Variants in HNF1B observed in about 807,000 individuals in gnomAD.
The protein encoded by HNF1B is HNF1 homeobox B, also known as hepatocyte nuclear factor 1-beta.
Under a neutral mutation model 61.7 loss-of-function variants are expected in HNF1B, and 8 were observed. That is an observed-to-expected ratio of 0.13 (90% CI 0.08 to 0.23). The LOEUF is 0.23. HNF1B is among the 10% of genes least tolerant of loss of function. The pLI, the probability that HNF1B is intolerant of heterozygous loss-of-function variation, is 1.00. For missense variants in HNF1B, 562 were observed against 714.5 expected (o/e 0.79, Z 2.43); for synonymous variants, 314 against 287.7 (o/e 1.09, Z -0.93).
At chr17:37,696,841 C>T (rs576139397) in intron 8 of HNF1B, among the ~76,000 whole-genome samples, 5 of 152,356 alleles carry the variant, frequency 3.3e-5, no homozygotes, top group African/African-American at 1.2e-4. Context: ...TTTGTACAAA[C>T]TGTCTTCACC....
intron 1 of HNF1B, 112 bp from the exon 2 acceptor site, chr17:37,739,751 A>C: frequency 9.7e-7 from 1 of 1,033,012 alleles, no homozygotes; most frequent in Admixed American, 2.0e-5. Context: ...TTTTCCCCCC[A>C]TCTAAGCTAC....
chr17:37,701,229 TGG>T, intron 6 of HNF1B, 52 bp from the exon 7 acceptor site: 1 of 1,513,248 alleles, frequency 6.6e-7, no homozygotes, highest in Non-Finnish European at 9.0e-7. Context: ...TAAGGAGAGG[TGG>T]ATGGATGCCA....
chr17:37,743,611 C>A (rs1346311339), intron 1 of HNF1B, among the ~76,000 whole-genome samples: 1 of 152,204 alleles, frequency 6.6e-6, no homozygotes, highest in East Asian at 1.9e-4. Context: ...TGGGCTCTGT[C>A]CTAAAGCGGA....
chr17:37,743,123 C>T (rs1442081455), intron 1 of HNF1B, among the ~76,000 whole-genome samples: 1 of 152,224 alleles, frequency 6.6e-6, no homozygotes. Flanking sequence ...CCAGGTCCTT[C>T]CAGCGCCGCG....
rs932096248 is a variant in HNF1B at position 37,696,687 on chromosome 17, G to A, written c.1653+2389C>T. Reference sequence around the variant, plus strand: ...CTTTATAGCGAAGCAAACAGACATCGCTATAAGCAATAAATCTGAACACGC... The same window carrying A: ...CTTTATAGCGAAGCAAACAGACATCACTATAAGCAATAAATCTGAACACGC... On this transcript the variant is annotated intron_variant, in intron 8 of 8. Coordinates refer to ENST00000617811, the MANE Select transcript of HNF1B (RefSeq NM_000458.4). Among the ~76,000 whole-genome samples, 16 of 152,270 alleles carry A rather than the reference G, an allele frequency of 1.1e-4. No homozygotes were observed. In the South Asian group the frequency reaches 1.7e-3, roughly 16 times the overall value.
intron 1 of HNF1B, among the ~76,000 whole-genome samples, chr17:37,741,796 A>T (rs2033999471): frequency 6.6e-6 from 1 of 152,234 alleles, no homozygotes; most frequent in Non-Finnish European, 1.5e-5. Flanking sequence ...AGTGGGAATG[A>T]TTCTGTGGAA....
chr17:37,736,880 G>A (rs1050872619), intron 2 of HNF1B, among the ~76,000 whole-genome samples: 5 of 152,154 alleles, frequency 3.3e-5, no homozygotes, highest in African/African-American at 1.2e-4. Flanking sequence ...AATTTTTGAA[G>A]AACTAGACTC....
chr17:37,739,324 C>G, intron 2 of HNF1B, 116 bp downstream of exon 2: 1 of 953,668 alleles, frequency 1.0e-6, no homozygotes. Flanking sequence ...CCACCTTCCT[C>G]ATATCTGCCA....
intron 4 of HNF1B, among the ~76,000 whole-genome samples, chr17:37,720,520 A>G (rs530878967): frequency 6.6e-6 from 1 of 151,966 alleles, no homozygotes; most frequent in East Asian, 1.9e-4. Flanking sequence ...TATATATATA[A>G]TTATATAGCA....
rs546207529 is a variant in HNF1B, at chr17:37,687,193, G to C, written c.*179C>G. ...CTGCATAGAAGGGAAACTGGGCTTC[G>C]GGCTGCGCCTCCTGAGAGTGGATTG... On this transcript the variant is annotated 3_prime_UTR_variant, in exon 9 of 9. Coordinates refer to ENST00000617811, the MANE Select transcript of HNF1B (RefSeq NM_000458.4). 3.3e-5 allele frequency: 31 copies of C among 943,822 alleles called. No homozygotes were observed. The highest frequency in any genetic ancestry group is 6.5e-5 in the African/African-American group (4 of 61,446). 58.5% of individuals were successfully genotyped at this position (943,822 alleles called of 1,614,324 possible). A position where few individuals can be genotyped will look rare whatever the true frequency, so the allele number is the denominator to read the frequency against.
At chr17:37,724,406 T>C (rs182371257) in intron 4 of HNF1B, among the ~76,000 whole-genome samples, 7 of 152,306 alleles carry the variant, frequency 4.6e-5, no homozygotes, top group Admixed American at 3.3e-4. Flanking sequence ...GCTTGGATAC[T>C]GGGATTTTTA....
At chr17:37,727,707 C>T (rs2033546278) in intron 4 of HNF1B, among the ~76,000 whole-genome samples, 1 of 152,132 alleles carries the variant, frequency 6.6e-6, no homozygotes, top group Non-Finnish European at 1.5e-5. Flanking sequence ...GGACTAGGGT[C>T]ACACCGTGGT....
chr17:37,696,740 A>C (rs571003554), intron 8 of HNF1B, among the ~76,000 whole-genome samples: 24 of 152,370 alleles, frequency 1.6e-4, no homozygotes, highest in Admixed American at 5.9e-4. Context: ...TTCCTGTTGG[A>C]ATATAAGACC....
chr17:37,731,189 G>A (rs2033669402), intron 4 of HNF1B: 1 of 319,070 alleles, frequency 3.1e-6, no homozygotes, highest in South Asian at 3.3e-5. Context: ...AGAGATGGAG[G>A]AGGTGGCCGG....
At chr17:37,704,094 A>G (rs1369033202) in intron 6 of HNF1B, among the ~76,000 whole-genome samples, 1 of 152,248 alleles carries the variant, frequency 6.6e-6, no homozygotes, top group African/African-American at 2.4e-5. Context: ...TTGAGAAACA[A>G]CGACACCTGA....
chr17:37,718,169 T>G (rs1312519344), intron 4 of HNF1B, among the ~76,000 whole-genome samples: 1 of 152,098 alleles, frequency 6.6e-6, no homozygotes, highest in African/African-American at 2.4e-5. Context: ...AAAAAAATCT[T>G]TCATCAAAAG....
chr17:37,689,539 T>C (rs1450939413), intron 8 of HNF1B, among the ~76,000 whole-genome samples: 1 of 152,212 alleles, frequency 6.6e-6, no homozygotes, highest in Non-Finnish European at 1.5e-5. Flanking sequence ...TAGAGTTATT[T>C]GCCTCCTTCA....
chr17:37,693,507 G>C (rs1174027835), intron 8 of HNF1B, among the ~76,000 whole-genome samples: 1 of 152,188 alleles, frequency 6.6e-6, no homozygotes, highest in East Asian at 1.9e-4. Context: ...CACTGCTCAG[G>C]ATGTGTCCCT....
chr17:37,711,379 G>C (rs1353342422), intron 4 of HNF1B, among the ~76,000 whole-genome samples: 1 of 152,248 alleles, frequency 6.6e-6, no homozygotes, highest in East Asian at 1.9e-4. Context: ...GGGGCAGGCA[G>C]CACCACACAC....
Sources: gnomAD v4.1 joint callset for allele counts (sites outside exome capture counted in the v4.1 genomes callset) on GRCh38, gnomAD v4.1.1 for gene constraint, MANE v1.5 for transcripts, NCBI Gene and HGNC (gene_info 2026-07-23, HGNC 2026-07-21) for gene names.